INPP4B: variants seen among roughly 807,000 people sequenced by gnomAD.
INPP4B encodes the protein inositol polyphosphate 4-phosphatase type II.
INPP4B carries 55 observed loss-of-function variants against 122.5 expected under a neutral mutation model. The observed-to-expected ratio is 0.45, with a 90% CI of 0.36 to 0.56. INPP4B has a LOEUF of 0.56. Among genes scored for constraint, INPP4B ranks in the 20% least tolerant of loss-of-function variants. INPP4B has a pLI of 0.00. For synonymous variants in INPP4B, 403 were observed against 388.7 expected (o/e 1.04, Z -0.43); for missense variants, 1,000 against 1,097.7 (o/e 0.91, Z 1.26).
At chr4:142,809,785 C>T (rs898142012) in intron 1 of INPP4B, among the ~76,000 whole-genome samples, 1 of 151,832 alleles carries the variant, frequency 6.6e-6, no homozygotes, top group African/African-American at 2.4e-5. Context: ...AGGACACAGT[C>T]AAGTTGCAGC....
intron 14 of INPP4B, among the ~76,000 whole-genome samples, chr4:142,201,266 T>C (rs541409137): frequency 2.6e-5 from 4 of 152,198 alleles, no homozygotes; most frequent in African/African-American, 9.6e-5. Context: ...GTTAGGTTTG[T>C]CACATGGTCT....
intron 25 of INPP4B, among the ~76,000 whole-genome samples, chr4:142,068,271 A>T (rs1338359420): frequency 6.6e-6 from 1 of 152,186 alleles, no homozygotes; most frequent in African/African-American, 2.4e-5. Context: ...CTTTACAGAC[A>T]AAACAATGCT....
intron 11 of INPP4B, among the ~76,000 whole-genome samples, chr4:142,254,608 T>C (rs1167960693): frequency 1.3e-5 from 2 of 151,930 alleles, no homozygotes; most frequent in East Asian, 1.9e-4. Context: ...GTATCAGCGA[T>C]GGAAGATGAA....
chr4:142,038,170 G>A (rs749841025), intron 25 of INPP4B, among the ~76,000 whole-genome samples: 26 of 151,982 alleles, frequency 1.7e-4, no homozygotes, highest in Non-Finnish European at 2.6e-4. Flanking sequence ...ATTAAAAGTC[G>A]AGTTTCAGGA....
chr4:142,169,469 C>A (rs1824467279), intron 16 of INPP4B, among the ~76,000 whole-genome samples: 1 of 151,668 alleles, frequency 6.6e-6, no homozygotes, highest in Non-Finnish European at 1.5e-5. Flanking sequence ...ACATTCTTCT[C>A]TCTATTATGT....
chr4:142,592,339 A>G (rs1225896441), intron 2 of INPP4B, among the ~76,000 whole-genome samples: 2 of 152,192 alleles, frequency 1.3e-5, no homozygotes, highest in East Asian at 3.8e-4. Context: ...CTATTTTAAG[A>G]TTGAAAAATA....
chr4:142,752,440 T>C (rs1769875271), intron 1 of INPP4B, among the ~76,000 whole-genome samples: 1 of 152,072 alleles, frequency 6.6e-6, no homozygotes, highest in African/African-American at 2.4e-5. Flanking sequence ...ACAACCTGAA[T>C]TTCCGCCCAA....
chr4:142,187,822 C>T (rs1472482325), intron 15 of INPP4B, among the ~76,000 whole-genome samples: 1 of 152,154 alleles, frequency 6.6e-6, no homozygotes, highest in Non-Finnish European at 1.5e-5. Context: ...TCTCAAACTC[C>T]TGAGCTCAAG....
intron 2 of INPP4B, among the ~76,000 whole-genome samples, chr4:142,546,712 C>G (rs764222214): frequency 8.5e-5 from 13 of 152,094 alleles, no homozygotes; most frequent in Non-Finnish European, 1.9e-4. Flanking sequence ...AAAGTAGAGT[C>G]TTCATATTGT....
intron 2 of INPP4B, among the ~76,000 whole-genome samples, chr4:142,656,026 G>C (rs1362694969): frequency 6.6e-6 from 1 of 152,182 alleles, no homozygotes; most frequent in Non-Finnish European, 1.5e-5. Flanking sequence ...TACTTGTAGT[G>C]AGACAGCCAG....
At chr4:142,835,001 A>C (rs1201918363) in intron 1 of INPP4B, among the ~76,000 whole-genome samples, 2 of 152,252 alleles carry the variant, frequency 1.3e-5, no homozygotes, top group East Asian at 3.8e-4. Flanking sequence ...TATCTAGCCT[A>C]TGAAAAGGAA....
intron 11 of INPP4B, among the ~76,000 whole-genome samples, chr4:142,256,936 C>T (rs1278829623): frequency 6.6e-6 from 1 of 152,182 alleles, no homozygotes; most frequent in East Asian, 1.9e-4. Flanking sequence ...CTCTGATGAA[C>T]TTTGATGCAA....
At chr4:142,210,500 T>C (rs909773880) in intron 12 of INPP4B, among the ~76,000 whole-genome samples, 13 of 151,518 alleles carry the variant, frequency 8.6e-5, no homozygotes, top group Admixed American at 6.6e-4. Flanking sequence ...AGGTAGAAGA[T>C]TGGGGAGTTG....
intron 2 of INPP4B, among the ~76,000 whole-genome samples, chr4:142,531,525 AT>A (rs34654373): frequency 0.057 from 8,688 of 152,182 alleles, 287 homozygotes; most frequent in African/African-American, 0.073. Context: ...GCCTGTGGAC[AT>A]TTGTGTCGTC....
intron 2 of INPP4B, among the ~76,000 whole-genome samples, chr4:142,476,845 A>G (rs1184406733): frequency 6.6e-6 from 1 of 152,178 alleles, no homozygotes; most frequent in African/African-American, 2.4e-5. Flanking sequence ...AGACAACCAC[A>G]CAATAATAGT....
chr4:142,792,623 G>A (rs1258044831), intron 1 of INPP4B, among the ~76,000 whole-genome samples: 1 of 151,986 alleles, frequency 6.6e-6, no homozygotes, highest in Non-Finnish European at 1.5e-5. Flanking sequence ...CTCAGAAAAA[G>A]TGACATATCC....
chr4:142,720,920 G>T, intron 2 of INPP4B, among the ~76,000 whole-genome samples: 1 of 143,504 alleles, frequency 7.0e-6, no homozygotes. Flanking sequence ...GTGTGTGTGT[G>T]TGTGTGTATG....
intron 2 of INPP4B, among the ~76,000 whole-genome samples, chr4:142,608,685 A>G (rs1049028984): frequency 6.6e-5 from 10 of 152,126 alleles, no homozygotes; most frequent in African/African-American, 2.2e-4. Context: ...ACCCTCCAAG[A>G]CTTATCATCT....
intron 2 of INPP4B, among the ~76,000 whole-genome samples, chr4:142,622,411 T>C (rs1007792121): frequency 2.6e-5 from 4 of 151,764 alleles, no homozygotes; most frequent in Non-Finnish European, 5.9e-5. Context: ...TCAGTGTGCA[T>C]GTCATACTTG....
Sources: allele counts gnomAD v4.1 joint callset (sites outside exome capture counted in the v4.1 genomes callset), GRCh38; gene constraint gnomAD v4.1.1; transcripts MANE v1.5; gene names NCBI Gene and HGNC (gene_info 2026-07-23, HGNC 2026-07-21).